Variants in FRAS1 observed in about 807,000 individuals in gnomAD.
The protein encoded by FRAS1 is Fraser extracellular matrix complex subunit 1.
Under a neutral mutation model 435.2 loss-of-function variants are expected in FRAS1, and 290 were observed. That is an observed-to-expected ratio of 0.67 (90% confidence interval 0.61 to 0.73). The LOEUF (loss-of-function observed/expected upper bound fraction) is 0.73. Among genes scored for constraint, FRAS1 ranks in the 30% least tolerant of loss-of-function variants. FRAS1 has a pLI of 0.00. For missense variants in FRAS1, 4,860 were observed against 5,001.5 expected (o/e 0.97, Z 0.85); for synonymous variants, 1,800 against 1,851.0 (o/e 0.97, Z 0.71).
intron 2 of FRAS1, among the ~76,000 whole-genome samples, chr4:78,117,477 C>T (rs1033173991): frequency 1.3e-5 from 2 of 152,164 alleles, no homozygotes; most frequent in East Asian, 1.9e-4. Context: ...ACCAATCAGA[C>T]GTAGATTTGG....
chr4:78,068,549 T>C (rs1413232570), intron 2 of FRAS1: 1 of 456,278 alleles, frequency 2.2e-6, no homozygotes, highest in East Asian at 6.9e-5. Context: ...GCTTGTCCTT[T>C]CAGGAAGGTG....
At chr4:78,446,628 G>A (rs1718839067) in intron 42 of FRAS1, 99 bp from the exon 43 acceptor site, 1 of 1,464,598 alleles carries the variant, frequency 6.8e-7, no homozygotes, top group Admixed American at 3.1e-5. Flanking sequence ...GCTATTTTGA[G>A]GTGAACATTT....
chr4:78,431,528 C>T (rs1253925635), intron 37 of FRAS1, among the ~76,000 whole-genome samples: 2 of 152,080 alleles, frequency 1.3e-5, no homozygotes, highest in East Asian at 3.8e-4. Flanking sequence ...TCTTCAATCT[C>T]AATACATAGC....
intron 2 of FRAS1, among the ~76,000 whole-genome samples, chr4:78,070,255 G>GTATATA (rs34910696): frequency 6.7e-6 from 1 of 148,612 alleles, no homozygotes; most frequent in Admixed American, 6.7e-5. Flanking sequence ...GTATATAAGT[G>GTATATA]TATATATATA....
chr4:78,481,759 CTGG>C, intron 56 of FRAS1, 42 bp from the exon 57 acceptor site: 2 of 1,606,474 alleles, frequency 1.2e-6, no homozygotes, highest in African/African-American at 1.3e-5. Flanking sequence ...CGCTGATTTT[CTGG>C]CTCAAAGTTG....
intron 61 of FRAS1, among the ~76,000 whole-genome samples, chr4:78,501,575 C>T (rs902779886): frequency 2.0e-5 from 3 of 152,164 alleles, no homozygotes; most frequent in South Asian, 4.1e-4. Flanking sequence ...TTTTTACACT[C>T]CCACCAACAG....
chr4:78,451,394 C>T (rs538192844), intron 45 of FRAS1, among the ~76,000 whole-genome samples: 5 of 152,162 alleles, frequency 3.3e-5, no homozygotes, highest in South Asian at 4.1e-4. Flanking sequence ...CCTTGTGATT[C>T]CAATATATAA....
chr4:78,096,218 C>T (rs1020705801), intron 2 of FRAS1, among the ~76,000 whole-genome samples: 1 of 152,224 alleles, frequency 6.6e-6, no homozygotes, highest in Non-Finnish European at 1.5e-5. Flanking sequence ...TGTCTTGCAT[C>T]CCGGTCACAC....
chr4:78,162,721 C>T (rs553483429), intron 2 of FRAS1, among the ~76,000 whole-genome samples: 5 of 152,238 alleles, frequency 3.3e-5, no homozygotes, highest in East Asian at 1.9e-4. Flanking sequence ...ACTTCAGAAA[C>T]GGGAGTTATT....
At chr4:78,208,841 T>A (rs778805780) in intron 2 of FRAS1, among the ~76,000 whole-genome samples, 19 of 152,148 alleles carry the variant, frequency 1.2e-4, no homozygotes, top group Non-Finnish European at 2.6e-4. Flanking sequence ...GTTCATACAA[T>A]ATAGAATTCT....
At chr4:78,127,234 T>C (rs888204218) in intron 2 of FRAS1, among the ~76,000 whole-genome samples, 1 of 152,082 alleles carries the variant, frequency 6.6e-6, no homozygotes, top group Non-Finnish European at 1.5e-5. Context: ...GATTTCAGAA[T>C]GGCCTGAATG....
At chr4:78,092,028 G>A (rs1741554675) in intron 2 of FRAS1, among the ~76,000 whole-genome samples, 2 of 145,488 alleles carry the variant, frequency 1.4e-5, no homozygotes, top group South Asian at 4.5e-4. Flanking sequence ...AGTGAATTTT[G>A]AGATCTTGAC....
chr4:78,404,921 T>C (rs2110349994), intron 30 of FRAS1, among the ~76,000 whole-genome samples: 1 of 152,316 alleles, frequency 6.6e-6, no homozygotes. Context: ...TCTAAATCGA[T>C]TCATGTCATT....
intron 2 of FRAS1, among the ~76,000 whole-genome samples, chr4:78,227,036 T>C (rs1724306975): frequency 2.6e-5 from 4 of 152,250 alleles, no homozygotes; most frequent in Non-Finnish European, 5.9e-5. Context: ...ACTGGTTATC[T>C]GTGGAAATAT....
chr4:78,067,089 A>T (rs1740075675), intron 2 of FRAS1, among the ~76,000 whole-genome samples: 1 of 152,236 alleles, frequency 6.6e-6, no homozygotes, highest in Non-Finnish European at 1.5e-5. Context: ...TACAGTAGAT[A>T]TTTAGACAAG....
In FRAS1 at chr4:78,363,666, G is replaced by C; in HGVS notation, c.2575+1G>C. On this transcript the variant is annotated splice_donor_variant, in intron 21 of 73. Transcript: ENST00000512123. LOFTEE classifies it high-confidence loss of function. The stretch of plus-strand genomic sequence containing the variant: ...TATGCAGAGAGAGGAGCTTGTAAAA[G>C]TGAGTAAGTGCTGGACTCAGGAGCT... The C allele has an allele frequency of 6.3e-7, 1 of 1,580,344 alleles. No individual in the cohort carries two copies. Among genetic ancestry groups the C allele is most frequent in the South Asian group, 1.2e-5 (1 of 86,096 alleles).
chr4:78,317,291 C>G (rs1729304955), intron 16 of FRAS1, 77 bp from the exon 17 acceptor site: 1 of 1,541,286 alleles, frequency 6.5e-7, no homozygotes, highest in East Asian at 2.2e-5. Flanking sequence ...AGTCCCAGGC[C>G]CGTGAAGCCC....
At chr4:78,534,410 C>A in intron 70 of FRAS1, 39 bp from the exon 71 acceptor site, 1 of 1,586,198 alleles carries the variant, frequency 6.3e-7, no homozygotes, top group Non-Finnish European at 8.6e-7. Context: ...CAAAGCTGAC[C>A]CTGCTCTCAA....
At chr4:78,192,003 C>T (rs202090628) in intron 2 of FRAS1, among the ~76,000 whole-genome samples, 4 of 152,216 alleles carry the variant, frequency 2.6e-5, no homozygotes, top group South Asian at 2.1e-4. Flanking sequence ...AATAAACATA[C>T]GTGTGCATGT....
Sources: gnomAD v4.1 joint callset for allele counts (sites outside exome capture counted in the v4.1 genomes callset) on GRCh38, gnomAD v4.1.1 for gene constraint, MANE v1.5 for transcripts, NCBI Gene and HGNC (gene_info 2026-07-23, HGNC 2026-07-21) for gene names.